Variants in NUP62 observed in about 807,000 individuals in gnomAD.
NUP62 encodes nuclear pore glycoprotein p62.
For missense variants in NUP62, 647 were observed against 689.4 expected (o/e 0.94, Z 0.69); for synonymous variants, 305 against 303.4 (o/e 1.01, Z -0.05).
chr19:49,923,936 C>T (rs966751770), intron 2 of NUP62, among the ~76,000 whole-genome samples: 1 of 152,234 alleles, frequency 6.6e-6, no homozygotes, highest in African/African-American at 2.4e-5. Context: ...GGCTCAGGAC[C>T]AGAACCCCGG....
At chr19:49,918,218 G>A (rs1288986885) in intron 2 of NUP62, among the ~76,000 whole-genome samples, 2 of 151,954 alleles carry the variant, frequency 1.3e-5, no homozygotes, top group African/African-American at 2.4e-5. Context: ...GGCATACGCC[G>A]CCATGCCCAG....
rs558596647 is a variant in NUP62, at chr19:49,925,938, C to T, written c.-78+1756G>A. Among the ~76,000 whole-genome samples the T allele has an allele frequency of 3.9e-5, 6 of 152,222 alleles. No homozygotes were observed. The East Asian group carries it at 9.6e-4, about 24-fold the overall frequency. The stretch of plus-strand genomic sequence containing the variant: ...ATTTAAAAAATAACCCCCTTGGGTA[C>T]GGTGGCTCACACCTGTAATCCCAGC... On this transcript the variant is annotated intron_variant, in intron 2 of 2. Transcript: ENST00000352066.
At chr19:49,926,855 CTTT>C (rs57084948) in intron 2 of NUP62, among the ~76,000 whole-genome samples, 6,060 of 125,604 alleles carry the variant, frequency 0.048, 175 homozygotes, top group Middle Eastern at 0.092. Context: ...GAAGTAGGTA[CTTT>C]TTTTTTTTTT....
chr19:49,911,149 T>C (rs539824143), intron 2 of NUP62: 224 of 152,354 alleles, frequency 1.5e-3, no homozygotes, highest in Non-Finnish European at 2.4e-3. Flanking sequence ...CGATCCTCCC[T>C]CTTTGTCCTC....
chr19:49,910,757 A>T (rs1381946520), intron 2 of NUP62, among the ~76,000 whole-genome samples: 1 of 151,872 alleles, frequency 6.6e-6, no homozygotes, highest in Non-Finnish European at 1.5e-5. Context: ...ACCCCAGAAG[A>T]CCCATGGGCC....
intron 2 of NUP62, among the ~76,000 whole-genome samples, chr19:49,916,502 G>A (rs989102027): frequency 2.0e-5 from 3 of 151,738 alleles, no homozygotes; most frequent in Non-Finnish European, 2.9e-5. Flanking sequence ...GGCCAGGCGC[G>A]GTGGCTCACG....
At position 49,908,980 on chromosome 19, in the gene NUP62, G is replaced by C. The variant is rs199498986; in HGVS notation, c.828C>G (p.Thr276=). 16 of 1,608,694 alleles carry C rather than the reference G, an allele frequency of 9.9e-6. No individual in the cohort carries two copies. Among genetic ancestry groups the C allele is most frequent in the Non-Finnish European group, 9.3e-6 (11 of 1,176,780 alleles). The change falls in exon 3 of 3, where the codon ACC becomes ACG. Residue 276 remains threonine (T), a synonymous_variant. Transcript: ENST00000352066. ...TGCTGCTGGTGGTGGTGGCGGTGGC[G>C]GTGGCAGCGGTGGATGTTGTTGTGG... is the stretch of plus-strand genomic sequence containing the variant. ...GTSTTTSTAA[T]ATATTTSSSS...
rs2075378250 is a variant in NUP62, at chr19:49,908,672, A to G, written c.1136T>C (p.Val379Ala). The G allele has an allele frequency of 1.2e-6, 2 of 1,612,088 alleles. No individual in the cohort carries two copies. Among genetic ancestry groups the G allele is most frequent in the Non-Finnish European group, 1.7e-6 (2 of 1,180,002 alleles). ...GEKITSLHREVEKVKLDQKRL... is the reference protein window; with the variant it reads ...GEKITSLHREAEKVKLDQKRL... Reference sequence around the variant, plus strand: ...CTTCTGGTCCAGCTTCACCTTCTCCACCTCGCGGTGCAGGCTGGTGATCTT... The same window carrying G: ...CTTCTGGTCCAGCTTCACCTTCTCCGCCTCGCGGTGCAGGCTGGTGATCTT... The change falls in exon 3 of 3, where the codon GTG (valine) becomes GCG (alanine). Residue 379 changes from valine to alanine, a missense_variant. Coordinates refer to ENST00000352066, the MANE Select transcript of NUP62 (RefSeq NM_016553.5).
rs772779500 is a variant in NUP62 at position 49,921,963 on chromosome 19, C to T, written c.-78+5731G>A. ...ATTTGCTGCGAGAAAGCAGCCCCGA[C>T]GGCAGGGCCCTAGGGCCCCAGGCCA... On this transcript the variant is annotated intron_variant, in intron 2 of 2. Transcript: ENST00000352066. The surrounding 1 kb of genome is among the most constrained non-coding windows in gnomAD (Gnocchi z 5.4). 6.6e-6 allele frequency among the ~76,000 whole-genome samples: 1 copy of T among 152,202 alleles called. No individual in the cohort carries two copies. The highest frequency in any genetic ancestry group is 2.1e-4 in the South Asian group (1 of 4,836).
Position 49,907,674 on chromosome 19 carries a change from G to A in NUP62, c.*565C>T, listed in dbSNP as rs1182624743. ...CAGCCTCCCGAGTAGCTGAGATTGAGATCACAGGCGTCCACCACACCTGAC... is the reference window on the plus strand; with the variant it reads ...CAGCCTCCCGAGTAGCTGAGATTGAAATCACAGGCGTCCACCACACCTGAC... On this transcript the variant is annotated 3_prime_UTR_variant, in exon 3 of 3. Coordinates refer to ENST00000352066, the MANE Select transcript of NUP62 (RefSeq NM_016553.5). 1 of 363,610 alleles carries A rather than the reference G, an allele frequency of 2.8e-6. No individual in the cohort carries two copies. Among genetic ancestry groups the A allele is most frequent in the African/African-American group, 2.2e-5 (1 of 45,972 alleles). 22.5% of individuals were successfully genotyped at this position (363,610 alleles called of 1,614,324 possible).
rs1232380378 is a variant in NUP62, at chr19:49,909,106, G to A, written c.702C>T (p.Thr234=). The part of the protein sequence containing the change: ...SIATAPTSSA[T]TGLSLCTPVT... ...CAGGGGTACAGAGGGAGAGTCCAGT[G>A]GTGGCAGATGAGGTTGGAGCAGTTG... The change falls in exon 3 of 3, where the codon ACC becomes ACT. Residue 234 remains threonine (T), a synonymous_variant. Transcript: ENST00000352066. The A allele has an allele frequency of 6.2e-7, 1 of 1,612,484 alleles. No homozygotes were observed. Among genetic ancestry groups the A allele is most frequent in the South Asian group, 1.1e-5 (1 of 91,080 alleles).
Position 49,919,624 on chromosome 19 carries a change from A to G in NUP62, c.-78+8070T>C, listed in dbSNP as rs920511224. 3.3e-5 allele frequency among the ~76,000 whole-genome samples: 5 copies of G among 152,168 alleles called. No individual in the cohort carries two copies. In the East Asian group the frequency reaches 9.6e-4, roughly 29 times the overall value. On this transcript the variant is annotated intron_variant, in intron 2 of 2. Transcript: ENST00000352066. ...CCCTGAAGTCACCTGACGGCTAATTAGCAGCTACTTTCTCCTTCCCACTCC... is the reference window on the plus strand; with the variant it reads ...CCCTGAAGTCACCTGACGGCTAATTGGCAGCTACTTTCTCCTTCCCACTCC...
Position 49,908,986 on chromosome 19 carries a change from AGCGGTGGAT to A in NUP62, c.813_821del (p.Ser272_Ala274del), listed in dbSNP as rs750501947. 15 of 1,609,180 alleles carry A rather than the reference AGCGGTGGAT, an allele frequency of 9.3e-6. No individual in the cohort carries two copies. Among genetic ancestry groups the A allele is most frequent in the South Asian group, 5.5e-5 (5 of 90,962 alleles). On this transcript the variant is annotated inframe_deletion, in exon 3 of 3. Transcript: ENST00000352066. The stretch of plus-strand genomic sequence containing the variant: ...TGGTGGTGGTGGCGGTGGCGGTGGC[AGCGGTGGAT>A]GTTGTTGTGGAGGTGCCGGAAGCTG...
Position 49,908,185 on chromosome 19 carries a change from C to A in NUP62, c.*54G>T, listed in dbSNP as rs45540835. On this transcript the variant is annotated 3_prime_UTR_variant, in exon 3 of 3. Transcript: ENST00000352066. ...CAACCCCAAACTACAGACAACAGGG[C>A]GCATTCCCCTCATGAACTCCCTAGG... 6.3e-7 allele frequency: 1 copy of A among 1,597,402 alleles called. No individual in the cohort carries two copies. Among genetic ancestry groups the A allele is most frequent in the South Asian group, 1.1e-5 (1 of 89,974 alleles).
intron 2 of NUP62, among the ~76,000 whole-genome samples, chr19:49,919,964 G>C (rs1244558742): frequency 6.6e-6 from 1 of 151,674 alleles, no homozygotes; most frequent in Non-Finnish European, 1.5e-5. Context: ...GTCTCACTCT[G>C]TCTCCCAGGC....
intron 2 of NUP62, among the ~76,000 whole-genome samples, chr19:49,926,864 T>C (rs1171936570): frequency 6.6e-6 from 1 of 151,398 alleles, no homozygotes; most frequent in Non-Finnish European, 1.5e-5. Context: ...ACTTTTTTTT[T>C]TTTTTTTTTG....
At chr19:49,912,740 C>T (rs1241869024) in intron 2 of NUP62, among the ~76,000 whole-genome samples, 1 of 148,230 alleles carries the variant, frequency 6.7e-6, no homozygotes, top group African/African-American at 2.6e-5. Context: ...GTGGCAGGCG[C>T]CTGTAGTCGC....
chr19:49,911,773 C>T (rs957718788), intron 2 of NUP62, among the ~76,000 whole-genome samples: 2 of 152,210 alleles, frequency 1.3e-5, no homozygotes, highest in African/African-American at 2.4e-5. Flanking sequence ...CCAGTCTCTC[C>T]GGGGCTGGGA....
chr19:49,926,659 G>A (rs1028856201), intron 2 of NUP62, among the ~76,000 whole-genome samples: 3 of 152,190 alleles, frequency 2.0e-5, no homozygotes, highest in African/African-American at 7.2e-5. Flanking sequence ...CTGGCAGTCT[G>A]CCCAACAGTC....
Sources: allele counts gnomAD v4.1 joint callset (sites outside exome capture counted in the v4.1 genomes callset), GRCh38; gene constraint gnomAD v4.1.1; non-coding constraint Gnocchi (gnomAD v3.1); transcripts MANE v1.5; gene names NCBI Gene and HGNC (gene_info 2026-07-23, HGNC 2026-07-21).